SHB: variants seen among roughly 807,000 people sequenced by gnomAD.
SHB encodes SH2 domain-containing adapter protein B.
A neutral mutation model predicts 52.3 loss-of-function variants in SHB; 20 were observed. The observed-to-expected ratio is 0.38, with a 90% confidence interval of 0.27 to 0.56. The LOEUF is 0.56. Among genes scored for constraint, SHB ranks in the 20% least tolerant of loss-of-function variants. The pLI is 0.71. For synonymous variants in SHB, 397 were observed against 316.5 expected, an observed-to-expected ratio of 1.25 and a Z score of -2.70; for missense variants, 825 against 723.3, an observed-to-expected ratio of 1.14 and a Z score of -1.61.
chr9:38,056,393 G>A (rs965317617), intron 1 of SHB, among the ~76,000 whole-genome samples: 1 of 152,134 alleles, frequency 6.6e-6, no homozygotes, highest in Non-Finnish European at 1.5e-5. Context: ...ATACACTGGC[G>A]CAATCTCAGT....
chr9:37,981,745 G>A (rs138989757), intron 2 of SHB, among the ~76,000 whole-genome samples: 92 of 152,260 alleles, frequency 6.0e-4, no homozygotes, highest in African/African-American at 1.9e-3. Context: ...GGCCATTGTT[G>A]AATTATTAAT....
chr9:37,998,526 C>T (rs1820976880), intron 2 of SHB, among the ~76,000 whole-genome samples: 1 of 152,222 alleles, frequency 6.6e-6, no homozygotes, highest in African/African-American at 2.4e-5. Flanking sequence ...GGTCTCAGTT[C>T]ACTGCAACCT....
intron 1 of SHB, among the ~76,000 whole-genome samples, chr9:38,029,431 A>C (rs1821385674): frequency 6.6e-6 from 1 of 152,068 alleles, no homozygotes; most frequent in Admixed American, 6.5e-5. Context: ...CCATTTCCTC[A>C]TTTATAAAAT....
chr9:37,953,455 T>A (rs1211531392), intron 4 of SHB, among the ~76,000 whole-genome samples: 3 of 151,968 alleles, frequency 2.0e-5, no homozygotes, highest in Non-Finnish European at 4.4e-5. Flanking sequence ...CAAAGTTTGT[T>A]ACTGGGACAC....
At chr9:38,016,417 T>C (rs574271535) in intron 1 of SHB, among the ~76,000 whole-genome samples, 3 of 152,236 alleles carry the variant, frequency 2.0e-5, no homozygotes, top group African/African-American at 7.2e-5. Context: ...AAGGTAACAA[T>C]GCACACTAAG....
intron 5 of SHB, among the ~76,000 whole-genome samples, chr9:37,945,569 G>A (rs1402214585): frequency 1.3e-5 from 2 of 152,234 alleles, no homozygotes; most frequent in Admixed American, 6.5e-5. Flanking sequence ...TTTGGAGGTG[G>A]TGATCTAATG....
chr9:38,027,298 C>A (rs1821355404), intron 1 of SHB, among the ~76,000 whole-genome samples: 1 of 152,188 alleles, frequency 6.6e-6, no homozygotes, highest in Admixed American at 6.5e-5. Flanking sequence ...TAAGCCTGAG[C>A]CCTCCCACTT....
At chr9:38,021,829 C>T (rs1198957874) in intron 1 of SHB, among the ~76,000 whole-genome samples, 3 of 152,188 alleles carry the variant, frequency 2.0e-5, no homozygotes, top group Non-Finnish European at 4.4e-5. Flanking sequence ...CATTTTTAGA[C>T]AGGTGAATAA....
chr9:37,932,316 T>C (rs1406747359), intron 5 of SHB, among the ~76,000 whole-genome samples: 1 of 147,894 alleles, frequency 6.8e-6, no homozygotes, highest in Non-Finnish European at 1.5e-5. Flanking sequence ...TATTGTATGA[T>C]TGATCTCATT....
chr9:38,064,325 C>T (rs929339820), intron 1 of SHB, among the ~76,000 whole-genome samples: 1 of 152,164 alleles, frequency 6.6e-6, no homozygotes, highest in African/African-American at 2.4e-5. Context: ...CAAGGTCTCC[C>T]CTGTGGGGTC....
At chr9:38,040,980 G>A (rs1291591702) in intron 1 of SHB, among the ~76,000 whole-genome samples, 2 of 151,974 alleles carry the variant, frequency 1.3e-5, no homozygotes, top group African/African-American at 2.4e-5. Context: ...CCCCAGGGAC[G>A]CTTAGAGTTA....
rs78261523 is a variant in SHB at position 37,974,762 on chromosome 9, C to T, written c.914G>A (p.Gly305Asp). ...QLYDTPYEPEGQSVDSDSEST... is the reference protein window; with the variant it reads ...QLYDTPYEPEDQSVDSDSEST... ...CTCCGAGTCTGAGTCAACACTTTGG[C>T]CTTCAGGTTCGTAAGGGGTGTCATA... The change falls in exon 3 of 6, where the codon GGC becomes GAC. Residue 305 changes from glycine to aspartate, a missense_variant. Gly to Asp is a moderately conservative substitution (Grantham distance 94). Transcript: ENST00000377707. 1.9e-6 allele frequency: 3 copies of T among 1,614,142 alleles called. No individual in the cohort carries two copies. Among genetic ancestry groups the T allele is most frequent in the Non-Finnish European group, 1.7e-6 (2 of 1,180,004 alleles).
At chr9:38,051,440 TAA>T (rs59860349) in intron 1 of SHB, among the ~76,000 whole-genome samples, 2,526 of 107,468 alleles carry the variant, frequency 0.024, 41 homozygotes, top group Middle Eastern at 0.056. Context: ...AGACTCCGTC[TAA>T]AAAAAAAAAA....
At chr9:38,046,657 C>T in intron 1 of SHB, among the ~76,000 whole-genome samples, 1 of 152,192 alleles carries the variant, frequency 6.6e-6, no homozygotes, top group Non-Finnish European at 1.5e-5. Flanking sequence ...ACAAACTTGC[C>T]AGGGGCAGGA....
Position 38,015,251 on chromosome 9 carries a change from T to C in SHB, c.838+760A>G, listed in dbSNP as rs376571793. 7.6e-4 allele frequency: 455 copies of C among 597,058 alleles called. 5 individuals carry two copies. In the South Asian group the frequency reaches 8.6e-3, roughly 11 times the overall value. 37.0% of individuals were successfully genotyped at this position (597,058 alleles called of 1,614,324 possible). On this transcript the variant is annotated intron_variant, in intron 2 of 5. Coordinates refer to ENST00000377707, the MANE Select transcript of SHB (RefSeq NM_003028.3). ...GAAGCCACAACAGGGGTTTCCCTTT[T>C]GCTTGTGACCTCCCCCTAATCCTGC...
In SHB at chr9:37,998,839, A is replaced by G. The variant is rs192780508; in HGVS notation, c.838+17172T>C. ...TGTTTGCAGCCATTAAACTGACTTC[A>G]AAGGCAAGGATGAGATGGAAGCAGA... On this transcript the variant is annotated intron_variant, in intron 2 of 5. Coordinates refer to ENST00000377707, the MANE Select transcript of SHB (RefSeq NM_003028.3). Among the ~76,000 whole-genome samples, 112 of 152,372 alleles carry G rather than the reference A, an allele frequency of 7.4e-4. 1 individual carries two copies. In the South Asian group the frequency reaches 9.5e-3, roughly 13 times the overall value.
In SHB at chr9:38,068,192, A is replaced by C. The variant is rs749534151; in HGVS notation, c.454T>G (p.Ser152Ala). Reference protein sequence around the residue: ...ASSGAGAAASSSSSSGSPHLY... With the variant: ...ASSGAGAAASASSSSGSPHLY... Reference sequence around the variant, plus strand: ...TGCGGAGAGCCGGAGGACGAGGACGAGGACGCGGCGGCCCCCGCGCCCGAG... The same window carrying C: ...TGCGGAGAGCCGGAGGACGAGGACGCGGACGCGGCGGCCCCCGCGCCCGAG... Residue 152 changes from serine (S) to alanine (A), a missense_variant, in exon 1 of 6, where the codon TCG becomes GCG. Transcript: ENST00000377707. 3.5e-6 allele frequency: 5 copies of C among 1,409,930 alleles called. No individual in the cohort carries two copies. The South Asian group carries it at 4.8e-5, about 13-fold the overall frequency. 87.3% of individuals were successfully genotyped at this position (1,409,930 alleles called of 1,614,324 possible). A position where few individuals can be genotyped will look rare whatever the true frequency, so the allele number is the denominator to read the frequency against.
In SHB at chr9:37,916,853, T is replaced by C. The variant is rs945140519; in HGVS notation, c.*2968A>G. On this transcript the variant is annotated 3_prime_UTR_variant, in exon 6 of 6. Transcript: ENST00000377707. Reference sequence around the variant, plus strand: ...GACTCCTCAGCGCTCAAGGACAGAGTTGCTCAAGTGGGCAGGCATTATGGT... The same window carrying C: ...GACTCCTCAGCGCTCAAGGACAGAGCTGCTCAAGTGGGCAGGCATTATGGT... Among the ~76,000 whole-genome samples, 4 of 151,736 alleles carry C rather than the reference T, an allele frequency of 2.6e-5. No individual in the cohort carries two copies. The highest frequency in any genetic ancestry group is 7.3e-5 in the African/African-American group (3 of 41,304).
chr9:37,998,680 T>C (rs1820978640), intron 2 of SHB, among the ~76,000 whole-genome samples: 2 of 152,204 alleles, frequency 1.3e-5, no homozygotes, highest in Admixed American at 6.5e-5. Flanking sequence ...CTCAAACTCT[T>C]GAGCTCAAGC....
Sources: allele counts gnomAD v4.1 joint callset (sites outside exome capture counted in the v4.1 genomes callset), GRCh38; gene constraint gnomAD v4.1.1; transcripts MANE v1.5; gene names NCBI Gene and HGNC (gene_info 2026-07-23, HGNC 2026-07-21).